Variants in TEX9 observed in about 807,000 individuals in gnomAD.
TEX9 encodes testis expressed 9.
TEX9 carries 74 observed loss-of-function variants against 59.6 expected under a neutral mutation model. The ratio of observed to expected loss-of-function variants is 1.24; its 90% CI spans 1.03 to 1.51. The LOEUF (loss-of-function observed/expected upper bound fraction) is 1.51. Among genes scored for constraint, TEX9 ranks in the 40% most tolerant of loss-of-function variants. The pLI is 0.00. For missense variants in TEX9, 522 were observed against 447.8 expected, an observed-to-expected ratio of 1.17 and a Z score of -1.49; for synonymous variants, 186 against 152.2, an observed-to-expected ratio of 1.22 and a Z score of -1.64.
rs2050539419 is a variant in TEX9, at chr15:56,430,163, TCTTA to T, written c.*29+1691_*29+1694del. ...CATTTCTATAGCTGAAAGATGGCGATCTTATTTATATGAGTCTAGATGTTTATGT... is the reference window on the plus strand; with the variant it reads ...CATTTCTATAGCTGAAAGATGGCGATTTTATATGAGTCTAGATGTTTATGT... On this transcript the variant is annotated intron_variant, in intron 12 of 12. Coordinates refer to ENST00000352903, the Ensembl canonical transcript of TEX9. The T allele has an allele frequency of 6.6e-6, 1 of 152,110 alleles. No homozygotes were observed. 9.4% of individuals were successfully genotyped at this position (152,110 alleles called of 1,614,324 possible).
At chr15:56,331,788 C>G (rs1326886037) in intron 1 of TEX9, among the ~76,000 whole-genome samples, 1 of 151,608 alleles carries the variant, frequency 6.6e-6, no homozygotes, top group Non-Finnish European at 1.5e-5. Context: ...AAACAAACAA[C>G]CCCATCAAAA....
chr15:56,451,548 T>C, the TEX9 span, among the ~76,000 whole-genome samples: 13 of 152,234 alleles, frequency 8.5e-5, no homozygotes, highest in Non-Finnish European at 1.8e-4. Flanking sequence ...CTGCCTACTC[T>C]GCTATTTTGC....
At chr15:56,369,985 C>T (rs1596128717) in intron 2 of TEX9, among the ~76,000 whole-genome samples, 1 of 149,968 alleles carries the variant, frequency 6.7e-6, no homozygotes, top group Non-Finnish European at 1.5e-5. Context: ...TATCTTTCTT[C>T]ATCCCTTTAT....
At chr15:56,395,540 G>A (rs2048426649) in intron 9 of TEX9, 1 of 152,092 alleles carries the variant, frequency 6.6e-6, no homozygotes, top group African/African-American at 2.4e-5. Context: ...ACCTTTTGAG[G>A]AATTGCTGAC....
At chr15:56,253,036 G>C (rs1177669943) in intron 1 of TEX9, among the ~76,000 whole-genome samples, 1 of 152,018 alleles carries the variant, frequency 6.6e-6, no homozygotes, top group African/African-American at 2.4e-5. Context: ...GGGGATAAGG[G>C]CCCTAAAAAT....
chr15:56,329,090 T>C (rs2046087559), intron 1 of TEX9, among the ~76,000 whole-genome samples: 2 of 152,140 alleles, frequency 1.3e-5, no homozygotes, highest in African/African-American at 4.8e-5. Context: ...AGAGAAGCAC[T>C]CTCCATTTGT....
At chr15:56,427,837 C>T (rs963124528) in intron 11 of TEX9, 98 bp downstream of exon 11, 32 of 901,618 alleles carry the variant, frequency 3.5e-5, no homozygotes, top group Admixed American at 2.5e-4. Context: ...GACATCTTTA[C>T]GCACTGAACT....
chr15:56,434,038 G>T, intron 12 of TEX9: 4 of 1,282,164 alleles, frequency 3.1e-6, no homozygotes, highest in South Asian at 1.5e-5. Flanking sequence ...TACTAACATT[G>T]TCTGGCATAT....
intron 1 of TEX9, among the ~76,000 whole-genome samples, chr15:56,247,883 CCT>C (rs1426690480): frequency 6.6e-6 from 1 of 152,194 alleles, no homozygotes; most frequent in African/African-American, 2.4e-5. Flanking sequence ...ATCATTACTT[CCT>C]CTGTCTTTTT....
At chr15:56,425,019 G>A (rs2050173710) in intron 10 of TEX9, among the ~76,000 whole-genome samples, 1 of 152,034 alleles carries the variant, frequency 6.6e-6, no homozygotes, top group Non-Finnish European at 1.5e-5. Context: ...GCTGGATGTA[G>A]TATTCTTCTA....
At chr15:56,402,302 G>T (rs35320188) in intron 9 of TEX9, among the ~76,000 whole-genome samples, 4 of 152,134 alleles carry the variant, frequency 2.6e-5, no homozygotes, top group Admixed American at 1.3e-4. Flanking sequence ...TGATAAAGGG[G>T]ATATCGCCAC....
In TEX9 at chr15:56,316,807, G is replaced by A. The variant is rs147803845; in HGVS notation, c.-106-56634G>A. Among the ~76,000 whole-genome samples, 820 of 152,328 alleles carry A rather than the reference G, an allele frequency of 5.4e-3. 6 individuals carry two copies. The highest frequency in any genetic ancestry group is 0.019 in the African/African-American group (781 of 41,572). On this transcript the variant is annotated intron_variant, in intron 1 of 5. Coordinates refer to the TEX9 transcript ENST00000560827. The stretch of plus-strand genomic sequence containing the variant: ...CTGTGCTAGCAATCAGCGAGACTCC[G>A]TGAGCGTAGGACCCTCCAAGCCAGG...
intron 1 of TEX9, among the ~76,000 whole-genome samples, chr15:56,301,081 C>CT: frequency 6.6e-6 from 1 of 152,228 alleles, no homozygotes. Context: ...TTCAAAATAG[C>CT]TTTTTTGAGA....
At chr15:56,412,605 T>A (rs2049414522) in intron 10 of TEX9, among the ~76,000 whole-genome samples, 169 bp downstream of exon 10, 1 of 152,188 alleles carries the variant, frequency 6.6e-6, no homozygotes, top group Non-Finnish European at 1.5e-5. Flanking sequence ...CATGTTAGGA[T>A]GATATGCTTG....
At chr15:56,394,359 G>C (rs915555431) in intron 8 of TEX9, 112 bp downstream of exon 8, 1 of 972,678 alleles carries the variant, frequency 1.0e-6, no homozygotes, top group Middle Eastern at 3.4e-4. Flanking sequence ...GTTAAATTTT[G>C]AATTCAAAAA....
exon 6 of TEX9, chr15:56,389,378 A>G (rs750952594): frequency 1.2e-6 from 2 of 1,610,168 alleles, no homozygotes; most frequent in South Asian, 1.1e-5. Flanking sequence ...CTCTGCAAAT[A>G]AAGGAAGGAA....
upstream of TEX9, chr15:56,365,400 C>T: frequency 1.9e-6 from 3 of 1,592,074 alleles, no homozygotes; most frequent in Non-Finnish European, 2.6e-6. Flanking sequence ...TGTGGAAACT[C>T]TCGCGGGAAG....
intron 12 of TEX9, chr15:56,429,703 C>T (rs2050515051): frequency 6.6e-6 from 1 of 152,166 alleles, no homozygotes. Context: ...TTTTTCTTTT[C>T]CCCTACAGTA....
chr15:56,291,778 T>C (rs2045100907), intron 1 of TEX9, among the ~76,000 whole-genome samples: 1 of 152,236 alleles, frequency 6.6e-6, no homozygotes. Flanking sequence ...GGGTATGTCT[T>C]TGTTTTTCAT....
Sources: gnomAD v4.1 joint callset for allele counts (sites outside exome capture counted in the v4.1 genomes callset) on GRCh38, gnomAD v4.1.1 for gene constraint, MANE v1.5 for transcripts, NCBI Gene and HGNC (gene_info 2026-07-23, HGNC 2026-07-21) for gene names.